The following PPP2R2B variants were observed in gnomAD, a reference collection of about 807,000 sequenced individuals.
PPP2R2B encodes the protein serine/threonine-protein phosphatase 2A 55 kDa regulatory subunit B beta isoform.
In PPP2R2B, 5 loss-of-function variants were observed where a neutral mutation model predicts 46.0. That is an observed-to-expected ratio of 0.11 (90% CI 0.06 to 0.23). The LOEUF is 0.23. PPP2R2B is among the 10% of genes least tolerant of loss of function. The pLI is 1.00. For synonymous variants in PPP2R2B, 215 were observed against 206.7 expected (o/e 1.04, Z -0.34); for missense variants, 367 against 575.0 (o/e 0.64, Z 3.70).
At chr5:146,719,148 T>G (rs1022074321) in intron 2 of PPP2R2B, among the ~76,000 whole-genome samples, 3 of 152,226 alleles carry the variant, frequency 2.0e-5, no homozygotes, top group Non-Finnish European at 4.4e-5. Flanking sequence ...CCAGGTTAAA[T>G]TATAGCTTCC....
chr5:146,664,713 G>A lies in PPP2R2B; in HGVS notation c.448-13989C>T, dbSNP rs569554578. ...GAATGGTGAGTGCGTCCCAGAAGAT[G>A]TTCAATTTACTTTGTTCAGATCCAT... is the stretch of plus-strand genomic sequence containing the variant. On this transcript the variant is annotated intron_variant, in intron 5 of 9. Coordinates refer to ENST00000394411, the MANE Select transcript of PPP2R2B (RefSeq NM_181675.4). Among the ~76,000 whole-genome samples, 3 of 152,220 alleles carry A rather than the reference G, an allele frequency of 2.0e-5. 1 individual carries two copies. The South Asian group carries it at 6.2e-4, about 32-fold the overall frequency.
chr5:147,049,100 A>G (rs964247397), intron 1 of PPP2R2B, among the ~76,000 whole-genome samples: 5 of 115,954 alleles, frequency 4.3e-5, no homozygotes, highest in Admixed American at 1.8e-4. Flanking sequence ...GGGAATGAGC[A>G]TGTGTGTGTG....
intron 2 of PPP2R2B, among the ~76,000 whole-genome samples, chr5:146,840,873 C>T (rs1759595716): frequency 6.6e-6 from 1 of 152,114 alleles, no homozygotes; most frequent in African/African-American, 2.4e-5. Flanking sequence ...AAGAAACAAA[C>T]ACGTCCTTAA....
At chr5:146,757,715 T>C (rs1167989800) in intron 2 of PPP2R2B, among the ~76,000 whole-genome samples, 1 of 152,160 alleles carries the variant, frequency 6.6e-6, no homozygotes, top group Non-Finnish European at 1.5e-5. Context: ...ACAAGAATAT[T>C]GCTTGTATCC....
At chr5:146,704,939 C>G (rs1296141053) in intron 2 of PPP2R2B, among the ~76,000 whole-genome samples, 1 of 152,076 alleles carries the variant, frequency 6.6e-6, no homozygotes, top group Non-Finnish European at 1.5e-5. Context: ...CTATGCAATG[C>G]CAGAGAATTG....
At chr5:147,050,191 T>C (rs1320133944) in intron 1 of PPP2R2B, among the ~76,000 whole-genome samples, 4 of 152,194 alleles carry the variant, frequency 2.6e-5, no homozygotes, top group Non-Finnish European at 2.9e-5. Flanking sequence ...CATAAAGCAA[T>C]ATCAAACAAT....
intron 1 of PPP2R2B, among the ~76,000 whole-genome samples, chr5:146,976,158 G>A (rs2086374): frequency 2.0e-5 from 3 of 146,834 alleles, no homozygotes; most frequent in African/African-American, 7.6e-5. Flanking sequence ...TTATTTCTGA[G>A]ACACAGTCGT....
chr5:146,758,808 T>C (rs1272848541), intron 2 of PPP2R2B, among the ~76,000 whole-genome samples: 1 of 152,120 alleles, frequency 6.6e-6, no homozygotes, highest in East Asian at 1.9e-4. Flanking sequence ...AACAGAAAAA[T>C]TTAGTTATCC....
chr5:146,926,494 C>T (rs1401715827), intron 1 of PPP2R2B, among the ~76,000 whole-genome samples: 1 of 152,034 alleles, frequency 6.6e-6, no homozygotes, highest in Non-Finnish European at 1.5e-5. Context: ...CGGGTTTATG[C>T]CATTCTCCTG....
At chr5:146,910,959 A>G (rs979533408) in intron 1 of PPP2R2B, among the ~76,000 whole-genome samples, 2 of 152,134 alleles carry the variant, frequency 1.3e-5, no homozygotes, top group Non-Finnish European at 2.9e-5. Context: ...CAGGGCTTCT[A>G]CATAGGCTGT....
intron 1 of PPP2R2B, among the ~76,000 whole-genome samples, chr5:146,949,159 T>A (rs905213338): frequency 2.0e-5 from 3 of 152,088 alleles, no homozygotes; most frequent in Non-Finnish European, 2.9e-5. Context: ...ACATGAGTGG[T>A]ACTATTAAGC....
At chr5:146,861,047 ATTTTTTCTTTT>A (rs369325004) in intron 2 of PPP2R2B, among the ~76,000 whole-genome samples, 24,603 of 132,172 alleles carry the variant, frequency 0.19, 2,521 homozygotes, top group East Asian at 0.38. Context: ...TTCAAACTGA[ATTTTTTCTTTT>A]TTTTTTTTTT....
At position 146,582,451 on chromosome 5, in the gene PPP2R2B, T is replaced by C. The variant is rs1167238199; in HGVS notation, c.*7496A>G. 6.6e-6 allele frequency: 1 copy of C among 152,216 alleles called. No individual in the cohort carries two copies. The highest frequency in any genetic ancestry group is 1.5e-5 in the Non-Finnish European group (1 of 68,044). 9.4% of individuals were successfully genotyped at this position (152,216 alleles called of 1,614,324 possible). A position where few individuals can be genotyped will look rare whatever the true frequency, so the allele number is the denominator to read the frequency against. The stretch of plus-strand genomic sequence containing the variant: ...GTAATGCATCAGGCAGGGACACATA[T>C]GCTCTATTAACTAACACTGCAATCT... On this transcript the variant is annotated 3_prime_UTR_variant, in exon 10 of 10. Transcript: ENST00000394411.
At chr5:146,642,165 C>A (rs1775265423) in intron 6 of PPP2R2B, among the ~76,000 whole-genome samples, 1 of 152,208 alleles carries the variant, frequency 6.6e-6, no homozygotes, top group South Asian at 2.1e-4. Flanking sequence ...GGCAGCTGAG[C>A]TCCATGCTTG....
At chr5:146,915,115 G>A (rs1763334847) in intron 1 of PPP2R2B, among the ~76,000 whole-genome samples, 1 of 152,008 alleles carries the variant, frequency 6.6e-6, no homozygotes, top group Admixed American at 6.6e-5. Context: ...ACTACTACCA[G>A]TCTGGTCCAA....
Position 146,649,146 on chromosome 5 carries a change from C to T in PPP2R2B, c.625+1401G>A, listed in dbSNP as rs138549665. Among the ~76,000 whole-genome samples, 64 of 152,128 alleles carry T rather than the reference C, an allele frequency of 4.2e-4. No individual in the cohort carries two copies. In the East Asian group the frequency reaches 0.01, roughly 24 times the overall value. ...GTAGGTAGGTAGATAGGGATATATG[C>T]GTTGATTTGACATATATTTTAGAGG... is the stretch of plus-strand genomic sequence containing the variant. On this transcript the variant is annotated intron_variant, in intron 6 of 9. Coordinates refer to ENST00000394411, the MANE Select transcript of PPP2R2B (RefSeq NM_181675.4).
At position 146,583,896 on chromosome 5, in the gene PPP2R2B, C is replaced by T. The variant is rs565829824; in HGVS notation, c.*6051G>A. 6.6e-6 allele frequency: 1 copy of T among 152,346 alleles called. No individual in the cohort carries two copies. Among genetic ancestry groups the T allele is most frequent in the African/African-American group, 2.4e-5 (1 of 41,582 alleles). The allele number at this position is 152,346 out of a possible 1,614,324, so 9.4% of individuals were successfully genotyped here. A position where few individuals can be genotyped will look rare whatever the true frequency, so the allele number is the denominator to read the frequency against. Reference sequence around the variant, plus strand: ...CCCTAGCCAACCAGAGCAAGAATCACAGCAATCATGGCTTGTTCCTACAAT... The same window carrying T: ...CCCTAGCCAACCAGAGCAAGAATCATAGCAATCATGGCTTGTTCCTACAAT... On this transcript the variant is annotated 3_prime_UTR_variant, in exon 10 of 10. Transcript: ENST00000394411.
chr5:146,790,913 A>C (rs1242955677), intron 2 of PPP2R2B, among the ~76,000 whole-genome samples: 1 of 152,214 alleles, frequency 6.6e-6, no homozygotes, highest in East Asian at 1.9e-4. Flanking sequence ...ATTCTGAACT[A>C]TACTAGAGTA....
In PPP2R2B at chr5:146,621,605, G is replaced by C. The variant is rs80172036; in HGVS notation, c.790+16646C>G. Among the ~76,000 whole-genome samples the C allele has an allele frequency of 7.8e-3, 1,194 of 152,276 alleles. 19 individuals are homozygous for C. The highest frequency in any genetic ancestry group is 0.027 in the African/African-American group (1,129 of 41,560). On this transcript the variant is annotated intron_variant, in intron 7 of 9. Coordinates refer to ENST00000394411, the MANE Select transcript of PPP2R2B (RefSeq NM_181675.4). ...CTCACCAACCACAGAGAATTAACCA[G>C]AGTGGAGCCATCTCTTTACAGACTT... is the stretch of plus-strand genomic sequence containing the variant.
Sources: allele counts gnomAD v4.1 joint callset (sites outside exome capture counted in the v4.1 genomes callset), GRCh38; gene constraint gnomAD v4.1.1; transcripts MANE v1.5; gene names NCBI Gene and HGNC (gene_info 2026-07-23, HGNC 2026-07-21).